FAM47E: variants seen among roughly 807,000 people sequenced by gnomAD.
FAM47E encodes protein FAM47E.
A neutral mutation model predicts 41.6 loss-of-function variants in FAM47E; 32 were observed. The ratio of observed to expected loss-of-function variants is 0.77; its 90% CI spans 0.58 to 1.03. The LOEUF (loss-of-function observed/expected upper bound fraction) is 1.03. FAM47E is among the 50% of genes least tolerant of loss of function. FAM47E has a pLI of 0.00. For missense variants in FAM47E, 424 were observed against 485.4 expected, an observed-to-expected ratio of 0.87 and a Z score of 1.19; for synonymous variants, 184 against 188.7, an observed-to-expected ratio of 0.98 and a Z score of 0.20.
chr4:76,259,827 C>T (rs555708356), intron 2 of FAM47E, among the ~76,000 whole-genome samples: 18 of 152,222 alleles, frequency 1.2e-4, no homozygotes, highest in African/African-American at 3.1e-4. Context: ...GAAGATTCAT[C>T]CAAAAGACTC....
At chr4:76,265,502 T>C (rs1019274490) in intron 3 of FAM47E, among the ~76,000 whole-genome samples, 3 of 152,208 alleles carry the variant, frequency 2.0e-5, no homozygotes, top group Non-Finnish European at 4.4e-5. Context: ...AGGAGTGTTA[T>C]ATGTAGGGAT....
At chr4:76,265,029 T>C (rs1037815723) in intron 3 of FAM47E, among the ~76,000 whole-genome samples, 13 of 152,200 alleles carry the variant, frequency 8.5e-5, no homozygotes, top group African/African-American at 2.2e-4. Context: ...GTGGGGGCCA[T>C]GTAGAGCTTG....
At chr4:76,214,550 T>C (rs1216528443) in intron 1 of FAM47E, 1 of 341,708 alleles carries the variant, frequency 2.9e-6, no homozygotes, top group African/African-American at 2.2e-5. Context: ...GAGGTCAGAC[T>C]TTGAAGGGCT....
At chr4:76,260,279 A>G (rs1048702666) in intron 2 of FAM47E, among the ~76,000 whole-genome samples, 2 of 152,214 alleles carry the variant, frequency 1.3e-5, no homozygotes, top group Non-Finnish European at 2.9e-5. Flanking sequence ...AAAAAGAACA[A>G]AGCTGGGGTC....
chr4:76,236,653 G>C (rs1369380410), intron 2 of FAM47E: 1 of 127,576 alleles, frequency 7.8e-6, no homozygotes, highest in Non-Finnish European at 1.6e-5. Context: ...GTCCAGAAAG[G>C]TAAGACAACT....
chr4:76,217,433 T>C, intron 1 of FAM47E: 1 of 399,468 alleles, frequency 2.5e-6, no homozygotes, highest in Admixed American at 4.3e-5. Flanking sequence ...GAGAGATTGT[T>C]CATGAATAGA....
intron 2 of FAM47E, among the ~76,000 whole-genome samples, chr4:76,245,499 A>G (rs1024787394): frequency 2.6e-5 from 4 of 152,104 alleles, no homozygotes; most frequent in African/African-American, 9.7e-5. Context: ...GGAGAGAGAA[A>G]AATAGCCTGA....
chr4:76,253,806 A>AT (rs1734071802), intron 1 of FAM47E, among the ~76,000 whole-genome samples: 1 of 73,884 alleles, frequency 1.4e-5, no homozygotes, highest in African/African-American at 4.1e-5. Context: ...CCTGTCTCGA[A>AT]TTAAAAAAAA....
chr4:76,263,979 G>A (rs1163392914), intron 3 of FAM47E, 136 bp downstream of exon 3: 2 of 1,322,292 alleles, frequency 1.5e-6, no homozygotes, highest in Non-Finnish European at 2.0e-6. Context: ...AAGAGGGAAA[G>A]GAGTCCTAGG....
At chr4:76,256,060 C>A in intron 1 of FAM47E, 118 bp from the exon 2 acceptor site, 1 of 1,185,130 alleles carries the variant, frequency 8.4e-7, no homozygotes, top group Non-Finnish European at 1.2e-6. Flanking sequence ...CCCCTACCCC[C>A]AACCCTAAAA....
At position 76,283,506 on chromosome 4, in the gene FAM47E, G is replaced by A; in HGVS notation, c.*48G>A. On this transcript the variant is annotated 3_prime_UTR_variant, in exon 8 of 8. Transcript: ENST00000424749. Reference sequence around the variant, plus strand: ...GGCAGATTTTATTACTACGTACTTGGCTATTTCTCTGTCTCCTTTTAAAGA... The same window carrying A: ...GGCAGATTTTATTACTACGTACTTGACTATTTCTCTGTCTCCTTTTAAAGA... The A allele has an allele frequency of 1.8e-6, 2 of 1,131,172 alleles. No individual in the cohort carries two copies. Among genetic ancestry groups the A allele is most frequent in the Non-Finnish European group, 2.6e-6 (2 of 769,410 alleles). The allele number at this position is 1,131,172 out of a possible 1,614,324, so 70.1% of individuals were successfully genotyped here. A position where few individuals can be genotyped will look rare whatever the true frequency, so the allele number is the denominator to read the frequency against.
At chr4:76,251,634 G>A (rs1471193144), upstream of FAM47E, 1 of 1,347,262 alleles carries the variant, frequency 7.4e-7, no homozygotes, top group Non-Finnish European at 9.5e-7. Context: ...AGAGTTGCCA[G>A]GCGCCCGGGG....
In FAM47E at chr4:76,251,763, G is replaced by C; in HGVS notation, c.17G>C (p.Arg6Pro). 2.0e-6 allele frequency: 3 copies of C among 1,487,074 alleles called. No individual in the cohort carries two copies. The highest frequency in any genetic ancestry group is 2.8e-5 in the East Asian group (1 of 35,566). The allele number at this position is 1,487,074 out of a possible 1,614,324, so 92.1% of individuals were successfully genotyped here. ...AGGGCCACCATGGCGGACCGCAGGC[G>C]GCGGCTCCGGCCGGGGACGTTGGCC... Reference protein sequence around the residue: MADRRRRLRPGTLAPV... With the variant: MADRRPRLRPGTLAPV... Residue 6 changes from arginine to proline, a missense_variant, in exon 1 of 8, where the codon CGG (arginine) becomes CCG (proline). Arg to Pro is a moderately radical substitution (Grantham distance 103). Coordinates refer to ENST00000424749, the MANE Select transcript of FAM47E (RefSeq NM_001136570.3).
intron 1 of FAM47E, among the ~76,000 whole-genome samples, chr4:76,215,351 A>AGG (rs1423981249): frequency 1.3e-5 from 2 of 152,308 alleles, no homozygotes; most frequent in Admixed American, 1.3e-4. Flanking sequence ...ACCAGGATGT[A>AGG]GGGCTGGCTG....
chr4:76,261,163 A>T (rs949449688), intron 2 of FAM47E, among the ~76,000 whole-genome samples: 2 of 151,908 alleles, frequency 1.3e-5, no homozygotes, highest in Non-Finnish European at 2.9e-5. Flanking sequence ...TTATTGAAAT[A>T]AAAAAAATAA....
At chr4:76,269,896 T>C (rs1876543) in intron 4 of FAM47E, among the ~76,000 whole-genome samples, 54,340 of 152,018 alleles carry the variant, frequency 0.36, 10,295 homozygotes, top group Admixed American at 0.42. Context: ...CCTGAGTCTC[T>C]GTAGATGTCT....
At chr4:76,231,696 G>A (rs1733496590) in intron 2 of FAM47E, among the ~76,000 whole-genome samples, 1 of 152,180 alleles carries the variant, frequency 6.6e-6, no homozygotes, top group Non-Finnish European at 1.5e-5. Context: ...AATCAGATAA[G>A]ACCTTTTAAA....
chr4:76,223,106 A>G (rs1114091), intron 2 of FAM47E, among the ~76,000 whole-genome samples: 62,904 of 151,950 alleles, frequency 0.41, 14,062 homozygotes, highest in Non-Finnish European at 0.51. Context: ...GCAGATGTCA[A>G]CCTCTTGTCA....
chr4:76,250,750 G>A (rs1454346075), upstream of FAM47E, among the ~76,000 whole-genome samples: 1 of 152,116 alleles, frequency 6.6e-6, no homozygotes, highest in Non-Finnish European at 1.5e-5. Context: ...TAATTATAAT[G>A]ATTACCTACA....
Sources: allele counts gnomAD v4.1 joint callset (sites outside exome capture counted in the v4.1 genomes callset), GRCh38; gene constraint gnomAD v4.1.1; transcripts MANE v1.5; gene names NCBI Gene and HGNC (gene_info 2026-07-23, HGNC 2026-07-21).